The following ITCH variants were observed in gnomAD, a reference collection of about 807,000 sequenced individuals.
ITCH encodes itchy E3 ubiquitin protein ligase.
ITCH carries 28 observed loss-of-function variants against 126.8 expected under a neutral mutation model. That is an observed-to-expected ratio of 0.22 (90% confidence interval 0.16 to 0.30). The LOEUF is 0.30. Among genes scored for constraint, ITCH ranks in the 10% least tolerant of loss-of-function variants. The pLI is 1.00. For synonymous variants in ITCH, 342 were observed against 340.0 expected (o/e 1.01, Z -0.06); for missense variants, 631 against 1,032.4 (o/e 0.61, Z 5.33).
intron 2 of ITCH, chr20:34,384,101 C>CCCAAAGTG (rs1266765785): frequency 6.6e-6 from 1 of 152,144 alleles, no homozygotes; most frequent in South Asian, 2.1e-4. Context: ...GCCTCAGCCT[C>CCCAAAGTG]CCAAAGTGTT....
At position 34,510,202 on chromosome 20, in the gene ITCH, C is replaced by G. The variant is rs1280087723; in HGVS notation, c.*2408C>G. 2 of 152,498 alleles carry G rather than the reference C, an allele frequency of 1.3e-5. No individual in the cohort carries two copies. The highest frequency in any genetic ancestry group is 2.9e-5 in the Non-Finnish European group (2 of 68,020). The allele number at this position is 152,498 out of a possible 1,614,324, so 9.4% of individuals were successfully genotyped here. A position where few individuals can be genotyped will look rare whatever the true frequency, so the allele number is the denominator to read the frequency against. On this transcript the variant is annotated 3_prime_UTR_variant, in exon 25 of 25. Coordinates refer to ENST00000374864, the MANE Select transcript of ITCH (RefSeq NM_031483.7). Reference sequence around the variant, plus strand: ...TAAGTGGCCACATGTATATGTCTTCCCTGCTGTGTTAGGAAAATGGGGGCT... The same window carrying G: ...TAAGTGGCCACATGTATATGTCTTCGCTGCTGTGTTAGGAAAATGGGGGCT...
chr20:34,495,020 G>C (rs1270811732), intron 23 of ITCH, among the ~76,000 whole-genome samples: 1 of 151,500 alleles, frequency 6.6e-6, no homozygotes, highest in African/African-American at 2.4e-5. Flanking sequence ...GGGAGGCCGA[G>C]GCAGGCGGAT....
At position 34,424,463 on chromosome 20, in the gene ITCH, A is replaced by C; in HGVS notation, c.476-17A>C. The C allele has an allele frequency of 6.2e-7, 1 of 1,608,750 alleles. No individual in the cohort carries two copies. On this transcript the variant is annotated splice_polypyrimidine_tract_variant and intron_variant, in intron 6 of 24. Coordinates refer to ENST00000374864, the MANE Select transcript of ITCH (RefSeq NM_031483.7). ...CTCTCTTGAAACTCATTTTCTGTTT[A>C]AACTTTGATGTTAAAGGTGCTTCTC...
At chr20:34,458,465 T>A (rs1190710830) in intron 13 of ITCH, among the ~76,000 whole-genome samples, 1 of 152,240 alleles carries the variant, frequency 6.6e-6, no homozygotes, top group Non-Finnish European at 1.5e-5. Context: ...TTGACAATTA[T>A]GTATATATAA....
intron 1 of ITCH, among the ~76,000 whole-genome samples, chr20:34,366,556 G>A (rs189720223): frequency 2.2e-4 from 33 of 152,162 alleles, no homozygotes; most frequent in Admixed American, 8.5e-4. Context: ...TAAAAATTTG[G>A]AATTTTATGT....
intron 7 of ITCH, among the ~76,000 whole-genome samples, chr20:34,427,319 C>G (rs1981670831): frequency 6.6e-6 from 1 of 152,176 alleles, no homozygotes. Flanking sequence ...GTCATGGTAG[C>G]TCACACCTGT....
At chr20:34,480,843 A>T in intron 19 of ITCH, 111 bp downstream of exon 19, 1 of 1,017,152 alleles carries the variant, frequency 9.8e-7, no homozygotes, top group South Asian at 1.5e-5. Context: ...TATTTAAATG[A>T]TCTATATATC....
chr20:34,507,777 G>A lies in ITCH; in HGVS notation c.2572G>A (p.Gly858Arg). 6.2e-7 allele frequency: 1 copy of A among 1,613,632 alleles called. No individual in the cohort carries two copies. The highest frequency in any genetic ancestry group is 8.5e-7 in the Non-Finnish European group (1 of 1,179,606). The change falls in exon 25 of 25, where the codon GGA becomes AGA. Residue 858 changes from glycine to arginine, a missense_variant. Physicochemically the swap from Gly to Arg is moderately radical, Grantham distance 125 (BLOSUM62 -2). Coordinates refer to ENST00000374864, the MANE Select transcript of ITCH (RefSeq NM_031483.7). ...GTTGTTTGCCATAGAAGAAACAGAA[G>A]GATTTGGACAAGAGTAACTTCTGAG... ...KLLFAIEETE[G>R]FGQE
At chr20:34,488,450 C>T (rs1305386313) in intron 20 of ITCH, among the ~76,000 whole-genome samples, 1 of 152,110 alleles carries the variant, frequency 6.6e-6, no homozygotes, top group Non-Finnish European at 1.5e-5. Context: ...CGTGGTGGTT[C>T]GTGCCTGTAA....
chr20:34,435,824 G>A (rs570579468), intron 7 of ITCH, among the ~76,000 whole-genome samples: 15 of 152,264 alleles, frequency 9.9e-5, no homozygotes, highest in East Asian at 9.7e-4. Context: ...CAAGTGAGGC[G>A]TGAAGTGAGC....
intron 2 of ITCH, among the ~76,000 whole-genome samples, chr20:34,390,941 C>T (rs1216423731): frequency 2.0e-5 from 3 of 151,724 alleles, no homozygotes; most frequent in African/African-American, 4.8e-5. Flanking sequence ...TTAATACAGA[C>T]GGGGTTTCAA....
chr20:34,430,805 A>C (rs931397570), intron 7 of ITCH, among the ~76,000 whole-genome samples: 14 of 152,196 alleles, frequency 9.2e-5, no homozygotes, highest in African/African-American at 3.1e-4. Context: ...AGATTGTATG[A>C]TCAGAACTCT....
chr20:34,480,559 G>A (rs776403566), intron 18 of ITCH, 40 bp from the exon 19 acceptor site: 4 of 1,601,660 alleles, frequency 2.5e-6, no homozygotes, highest in Non-Finnish European at 3.4e-6. Flanking sequence ...AATGATTATT[G>A]TACAGTTATT....
At chr20:34,396,678 A>G (rs1301610351) in intron 3 of ITCH, among the ~76,000 whole-genome samples, 1 of 151,530 alleles carries the variant, frequency 6.6e-6, no homozygotes, top group African/African-American at 2.4e-5. Context: ...CCAGCTCCCT[A>G]TTGTGGTTTT....
At chr20:34,464,383 A>G (rs995253381) in intron 14 of ITCH, among the ~76,000 whole-genome samples, 2 of 146,416 alleles carry the variant, frequency 1.4e-5, no homozygotes, top group Non-Finnish European at 3.0e-5. Flanking sequence ...CAGGAGTGCA[A>G]TGGTGCGATC....
intron 3 of ITCH, among the ~76,000 whole-genome samples, chr20:34,406,696 G>A (rs986535018): frequency 2.6e-5 from 4 of 151,912 alleles, no homozygotes; most frequent in Admixed American, 6.6e-5. Flanking sequence ...CACCACGCCC[G>A]GCTAATTTTT....
At chr20:34,488,099 T>C (rs1290300066) in intron 20 of ITCH, among the ~76,000 whole-genome samples, 1 of 152,186 alleles carries the variant, frequency 6.6e-6, no homozygotes, top group South Asian at 2.1e-4. Flanking sequence ...AATAATCTTA[T>C]ATTTACTCAC....
At chr20:34,392,099 T>C (rs761923200) in intron 2 of ITCH, among the ~76,000 whole-genome samples, 5 of 152,124 alleles carry the variant, frequency 3.3e-5, no homozygotes, top group Non-Finnish European at 7.4e-5. Flanking sequence ...GGCTTTTGGA[T>C]ATTGAGGAGG....
At chr20:34,477,242 A>G (rs1453069385) in intron 16 of ITCH, among the ~76,000 whole-genome samples, 3 of 152,220 alleles carry the variant, frequency 2.0e-5, no homozygotes, top group African/African-American at 4.8e-5. Context: ...ATTAAAAATA[A>G]AATCACGGCC....
Sources: gnomAD v4.1 joint callset for allele counts (sites outside exome capture counted in the v4.1 genomes callset) on GRCh38, gnomAD v4.1.1 for gene constraint, MANE v1.5 for transcripts, NCBI Gene and HGNC (gene_info 2026-07-23, HGNC 2026-07-21) for gene names.